APCDD1L: variants seen among roughly 807,000 people sequenced by gnomAD.
APCDD1L encodes the protein APC down-regulated 1 like, also known as protein APCDD1-like.
A neutral mutation model predicts 24.2 loss-of-function variants in APCDD1L; 21 were observed. The observed-to-expected ratio is 0.87, with a 90% CI of 0.61 to 1.25. APCDD1L has a LOEUF of 1.25. Among genes scored for constraint, APCDD1L ranks in the 50% most tolerant of loss-of-function variants. APCDD1L has a pLI of 0.00. For missense variants in APCDD1L, 704 were observed against 711.7 expected (o/e 0.99, Z 0.12); for synonymous variants, 321 against 323.6 (o/e 0.99, Z 0.09).
Position 58,461,453 on chromosome 20 carries a change from G to A in APCDD1L, c.843C>T (p.Gly281=), listed in dbSNP as rs531430176. 3.3e-5 allele frequency: 50 copies of A among 1,500,846 alleles called. No individual in the cohort carries two copies. The highest frequency in any genetic ancestry group is 1.5e-4 in the African/African-American group (11 of 71,932). 93.0% of individuals were successfully genotyped at this position (1,500,846 alleles called of 1,614,324 possible). A position where few individuals can be genotyped will look rare whatever the true frequency, so the allele number is the denominator to read the frequency against. ...CGCACCCCGAGCTGACCCACCAGCC[G>A]CCCAGGTGCAGGGGCAGGGCCAGAG... ...PPPLALPLHL[G]GWWVSSGCEV... The change falls in exon 4 of 4, where the codon GGC becomes GGT. Residue 281 remains glycine (G), a synonymous_variant. Transcript: ENST00000371149. This position sits in a 1 kb window ranked among gnomAD's most constrained non-coding sequence, Gnocchi z 6.0.
chr20:58,500,120 A>T (rs1990403555), intron 1 of APCDD1L, among the ~76,000 whole-genome samples: 1 of 152,196 alleles, frequency 6.6e-6, no homozygotes, highest in Non-Finnish European at 1.5e-5. Context: ...CTTCTACCCT[A>T]GTCCCTCCCT....
chr20:58,512,222 T>C (rs1488762501), intron 1 of APCDD1L, among the ~76,000 whole-genome samples: 1 of 152,238 alleles, frequency 6.6e-6, no homozygotes, highest in African/African-American at 2.4e-5. Flanking sequence ...TTGTTTTTCT[T>C]GGGGCCCCAC....
intron 2 of APCDD1L, among the ~76,000 whole-genome samples, chr20:58,469,156 G>C (rs978864588): frequency 6.6e-6 from 1 of 152,080 alleles, no homozygotes; most frequent in Non-Finnish European, 1.5e-5. Flanking sequence ...CCATATCCAG[G>C]ATAATATTAC....
intron 1 of APCDD1L, among the ~76,000 whole-genome samples, chr20:58,501,319 A>C (rs1322375147): frequency 1.3e-5 from 2 of 152,298 alleles, no homozygotes; most frequent in Middle Eastern, 3.4e-3. Flanking sequence ...AGGGCTTTTA[A>C]GGAGGTGATT....
chr20:58,510,061 G>GCCCCTCCCCT (rs1568755948), intron 1 of APCDD1L, among the ~76,000 whole-genome samples: 2,545 of 152,218 alleles, frequency 0.017, 65 homozygotes, highest in African/African-American at 0.056. Context: ...TCCTCATTCA[G>GCCCCTCCCCT]TTTTTCAAGT....
At chr20:58,476,737 C>T (rs1422313773) in intron 1 of APCDD1L, among the ~76,000 whole-genome samples, 1 of 152,180 alleles carries the variant, frequency 6.6e-6, no homozygotes, top group African/African-American at 2.4e-5. Flanking sequence ...GCCTCGAAGC[C>T]CTTTGAAACT....
chr20:58,513,804 T>C (rs763844275), intron 1 of APCDD1L: 3 of 967,140 alleles, frequency 3.1e-6, no homozygotes, highest in East Asian at 1.2e-4. Context: ...AGAGAGCCGA[T>C]GGCCATGCTT....
At position 58,461,498 on chromosome 20, in the gene APCDD1L, G is replaced by A. The variant is rs781465947; in HGVS notation, c.798C>T (p.His266=). 1.4e-6 allele frequency: 2 copies of A among 1,462,152 alleles called. No homozygotes were observed. Among genetic ancestry groups the A allele is most frequent in the East Asian group, 2.4e-5 (1 of 41,006 alleles). The allele number at this position is 1,462,152 out of a possible 1,614,324, so 90.6% of individuals were successfully genotyped here. ...CGLIARSDVH[H]PPVLPPPLAL... is the part of the protein sequence containing the mutation. ...CCAGAGGGGGCGGCAGCACGGGCGGGTGGTGCACATCGGAGCGGGCAATGA... is the reference window on the plus strand; with the variant it reads ...CCAGAGGGGGCGGCAGCACGGGCGGATGGTGCACATCGGAGCGGGCAATGA... Residue 266 remains histidine (H), a synonymous_variant, in exon 4 of 4, where the codon CAC becomes CAT. Coordinates refer to ENST00000371149, the MANE Select transcript of APCDD1L (RefSeq NM_153360.3). This position sits in a 1 kb window ranked among gnomAD's most constrained non-coding sequence, Gnocchi z 6.0.
At chr20:58,502,726 CAAA>C (rs56192014) in intron 1 of APCDD1L, among the ~76,000 whole-genome samples, 4 of 99,734 alleles carry the variant, frequency 4.0e-5, no homozygotes, top group Admixed American at 1.1e-4. Flanking sequence ...TTAAGCAGAA[CAAA>C]AAAAAAAAAA....
intron 1 of APCDD1L, among the ~76,000 whole-genome samples, chr20:58,473,237 T>G (rs1989846088): frequency 6.6e-6 from 1 of 151,066 alleles, no homozygotes; most frequent in African/African-American, 2.4e-5. Context: ...AAAACAAGGC[T>G]TTTTTTTTCC....
intron 1 of APCDD1L, chr20:58,514,029 T>C: frequency 1.7e-6 from 2 of 1,179,976 alleles, no homozygotes; most frequent in East Asian, 1.2e-4. Context: ...TGTACAGTTT[T>C]GTCTACCCTA....
intron 1 of APCDD1L, among the ~76,000 whole-genome samples, chr20:58,485,622 CA>C (rs1307759254): frequency 6.6e-6 from 1 of 152,234 alleles, no homozygotes; most frequent in African/African-American, 2.4e-5. Flanking sequence ...GAAAAGCTGA[CA>C]GGGGCCTCTC....
At chr20:58,462,817 C>G (rs568536640) in intron 3 of APCDD1L, among the ~76,000 whole-genome samples, 13 of 147,528 alleles carry the variant, frequency 8.8e-5, no homozygotes, top group African/African-American at 3.3e-4. Flanking sequence ...GTACTCTGGC[C>G]TGGGGGACAG....
chr20:58,514,535 G>A lies in APCDD1L; in HGVS notation c.49+124C>T, dbSNP rs538225852. On this transcript the variant is annotated intron_variant, in intron 1 of 3. Coordinates refer to ENST00000371149, the MANE Select transcript of APCDD1L (RefSeq NM_153360.3). ...ACTGGAGAAAGGCGCGCAGGGCGCA[G>A]CATAGCAGCCGCGTGGGCCGACCCA... 53 of 990,264 alleles carry A rather than the reference G, an allele frequency of 5.4e-5. No individual in the cohort carries two copies. The East Asian group carries it at 1.7e-3, about 32-fold the overall frequency. 61.3% of individuals were successfully genotyped at this position (990,264 alleles called of 1,614,324 possible). A position where few individuals can be genotyped will look rare whatever the true frequency, so the allele number is the denominator to read the frequency against.
intron 1 of APCDD1L, among the ~76,000 whole-genome samples, chr20:58,499,100 C>G (rs912060835): frequency 6.6e-6 from 1 of 152,244 alleles, no homozygotes; most frequent in Admixed American, 6.5e-5. Flanking sequence ...GGGGCCAGTG[C>G]GATGGCTCTG....
In APCDD1L at chr20:58,514,179, G is replaced by A. The variant is rs528837933; in HGVS notation, c.49+480C>T. Among the ~76,000 whole-genome samples, 3 of 152,276 alleles carry A rather than the reference G, an allele frequency of 2.0e-5. No individual in the cohort carries two copies. The South Asian group carries it at 6.2e-4, about 32-fold the overall frequency. ...CAACTCGAGCCTGGGGTCACTGCGC[G>A]CTCCCTAGCTTCTCCCCGAGTCCTG... is the stretch of plus-strand genomic sequence containing the variant. On this transcript the variant is annotated intron_variant, in intron 1 of 3. Transcript: ENST00000371149.
At chr20:58,466,145 T>G (rs1240560336) in intron 3 of APCDD1L, among the ~76,000 whole-genome samples, 1 of 87,300 alleles carries the variant, frequency 1.1e-5, no homozygotes, top group Non-Finnish European at 2.7e-5. Context: ...AAAAAAAAAG[T>G]GTGCTGGGGG....
intron 1 of APCDD1L, among the ~76,000 whole-genome samples, chr20:58,477,459 G>T (rs2123150378): frequency 6.6e-6 from 1 of 152,334 alleles, no homozygotes; most frequent in Admixed American, 6.5e-5. Context: ...TGGTAAGAAT[G>T]TTGTGGAAGC....
At chr20:58,496,499 G>A (rs1375787833) in intron 1 of APCDD1L, among the ~76,000 whole-genome samples, 1 of 152,254 alleles carries the variant, frequency 6.6e-6, no homozygotes, top group Non-Finnish European at 1.5e-5. Flanking sequence ...CGAGGGGGCT[G>A]CCTGAGTCTG....
Sources: allele counts gnomAD v4.1 joint callset (sites outside exome capture counted in the v4.1 genomes callset), GRCh38; gene constraint gnomAD v4.1.1; non-coding constraint Gnocchi (gnomAD v3.1); transcripts MANE v1.5; gene names NCBI Gene and HGNC (gene_info 2026-07-23, HGNC 2026-07-21).